NOS1: variants seen among roughly 807,000 people sequenced by gnomAD.
The protein encoded by NOS1 is NOS type I.
In NOS1, 51 loss-of-function variants were observed where a neutral mutation model predicts 164.5. That is an observed-to-expected ratio of 0.31 (90% confidence interval 0.25 to 0.39). The LOEUF (loss-of-function observed/expected upper bound fraction) is 0.39, where lower values mean the gene tolerates loss of function less well. Among genes scored for constraint, NOS1 ranks in the 10% least tolerant of loss-of-function variants. NOS1 has a pLI of 1.00. For synonymous variants in NOS1, 719 were observed against 745.8 expected (o/e 0.96, Z 0.59); for missense variants, 1,362 against 1,885.6 (o/e 0.72, Z 5.14).
Position 117,247,493 on chromosome 12 carries a change from G to A in NOS1, c.2678C>T (p.Ala893Val). 6.2e-7 allele frequency: 1 copy of A among 1,611,520 alleles called. No individual in the cohort carries two copies. The highest frequency in any genetic ancestry group is 1.6e-4 in the Middle Eastern group (1 of 6,062). Residue 893 changes from alanine (A) to valine (V), a missense_variant, in exon 18 of 29, where the codon GCA becomes GTA. Around this residue, in one of 4 missense-constraint regions of NOS1, gnomAD observed 737 missense variants for 1,030.3 expected, o/e 0.72. Transcript: ENST00000317775. Reference sequence around the variant, plus strand: ...TCCGAAGGCGCAAAAGTGAGGGTATGCTCGTGAGCCGAGGCCAAAAACTGA... The same window carrying A: ...TCCGAAGGCGCAAAAGTGAGGGTATACTCGTGAGCCGAGGCCAAAAACTGA... ...RFSVFGLGSR[A>V]YPHFCAFGHA...
chr12:117,336,988 G>C (rs1034913703), intron 1 of NOS1, among the ~76,000 whole-genome samples: 1 of 151,498 alleles, frequency 6.6e-6, no homozygotes, highest in Non-Finnish European at 1.5e-5. Context: ...TAGAGAAGAG[G>C]TTTTGCCATG....
intron 18 of NOS1, among the ~76,000 whole-genome samples, chr12:117,246,540 G>A (rs1445573031): frequency 6.6e-6 from 1 of 152,100 alleles, no homozygotes; most frequent in Non-Finnish European, 1.5e-5. Flanking sequence ...CGTCCACAAG[G>A]TTATGCAACC....
intron 4 of NOS1, among the ~76,000 whole-genome samples, chr12:117,289,133 A>G (rs1050613849): frequency 3.3e-5 from 5 of 152,252 alleles, no homozygotes; most frequent in Non-Finnish European, 5.9e-5. Context: ...AAAAATTTAA[A>G]GCAATATAAT....
At chr12:117,276,688 A>T (rs1873213878) in intron 9 of NOS1, among the ~76,000 whole-genome samples, 1 of 149,580 alleles carries the variant, frequency 6.7e-6, no homozygotes, top group East Asian at 2.0e-4. Context: ...CATGAGCTCT[A>T]TTGTTTTCAT....
intron 20 of NOS1, among the ~76,000 whole-genome samples, chr12:117,239,830 G>A (rs961614586): frequency 6.6e-5 from 10 of 152,080 alleles, no homozygotes; most frequent in African/African-American, 2.4e-4. Flanking sequence ...GATAAACACG[G>A]AGGTGTGACT....
intron 8 of NOS1, among the ~76,000 whole-genome samples, chr12:117,278,625 A>G (rs972779591): frequency 3.9e-5 from 6 of 152,174 alleles, no homozygotes; most frequent in African/African-American, 1.4e-4. Context: ...CAGCTGTCCA[A>G]TAAAAATATA....
chr12:117,334,500 A>C (rs1432366064), intron 1 of NOS1, among the ~76,000 whole-genome samples: 1 of 152,006 alleles, frequency 6.6e-6, no homozygotes, highest in African/African-American at 2.4e-5. Flanking sequence ...GGAATCAAAC[A>C]ATTCTCTAGC....
Position 117,227,539 on chromosome 12 carries a change from TCAGGAG to T in NOS1, c.3502_3507del (p.Leu1168_Leu1169del). On this transcript the variant is annotated inframe_deletion, in exon 23 of 29. Coordinates refer to ENST00000317775, the MANE Select transcript of NOS1 (RefSeq NM_000620.5). ...CGGGGCTGCAGCAGGGACAGCTGGGTCAGGAGCAGGGTGGCCGGCATCTGGATAGAT... is the reference window on the plus strand; with the variant it reads ...CGGGGCTGCAGCAGGGACAGCTGGGTCAGGGTGGCCGGCATCTGGATAGAT... 6.2e-7 allele frequency: 1 copy of T among 1,613,018 alleles called. No homozygotes were observed. The highest frequency in any genetic ancestry group is 8.5e-7 in the Non-Finnish European group (1 of 1,179,480).
rs1260668776 is a variant in NOS1 at position 117,361,584 on chromosome 12, C to T, written c.-493G>A. 1 of 152,114 alleles carries T rather than the reference C, an allele frequency of 6.6e-6. No homozygotes were observed. Among genetic ancestry groups the T allele is most frequent in the South Asian group, 2.1e-4 (1 of 4,826 alleles). 9.4% of individuals were successfully genotyped at this position (152,114 alleles called of 1,614,324 possible). ...CCGCGGCGCTAAGTAGCTCCTCACC[C>T]AGCGGCTGGAAACGCGGCATAAATA... is the stretch of plus-strand genomic sequence containing the variant. On this transcript the variant is annotated 5_prime_UTR_variant, in exon 1 of 29. Transcript: ENST00000317775.
Position 117,285,351 on chromosome 12 carries a change from G to A in NOS1, c.1291-19C>T, listed in dbSNP as rs369265794. ...CGAATACCTGGAAGAGGCACAGGGC[G>A]GAACTGATTGCCTCTTCTTTCCCTC... On this transcript the variant is annotated intron_variant, in intron 6 of 28. Coordinates refer to ENST00000317775, the MANE Select transcript of NOS1 (RefSeq NM_000620.5). 2.0e-5 allele frequency: 32 copies of A among 1,561,636 alleles called. No homozygotes were observed. Among genetic ancestry groups the A allele is most frequent in the Admixed American group, 1.5e-4 (9 of 59,110 alleles).
rs117787833 is a variant in NOS1, at chr12:117,353,842, G to A, written c.-421+7670C>T. The stretch of plus-strand genomic sequence containing the variant: ...CACATTTTGGGCTGGGCTCAGGCCT[G>A]TAATCCCAGCACTTTGGGACGCTGA... On this transcript the variant is annotated intron_variant, in intron 1 of 28. Transcript: ENST00000317775. 7.4e-3 allele frequency among the ~76,000 whole-genome samples: 1,126 copies of A among 152,262 alleles called. 6 individuals carry two copies. The highest frequency in any genetic ancestry group is 0.012 in the Non-Finnish European group (841 of 68,032).
intron 23 of NOS1, 62 bp from the exon 24 acceptor site, chr12:117,226,832 C>A: frequency 1.6e-6 from 2 of 1,288,552 alleles, no homozygotes; most frequent in Non-Finnish European, 2.2e-6. Flanking sequence ...CTCCCCTCCT[C>A]CCTCCAGTGC....
intron 26 of NOS1, among the ~76,000 whole-genome samples, chr12:117,220,963 C>T (rs368261363): frequency 2.7e-4 from 41 of 152,030 alleles, no homozygotes; most frequent in South Asian, 4.2e-4. Context: ...TACTCCCACC[C>T]TAGTAGTCAG....
chr12:117,338,195 C>CGA (rs931211355), intron 1 of NOS1, among the ~76,000 whole-genome samples: 3 of 151,368 alleles, frequency 2.0e-5, no homozygotes, highest in African/African-American at 7.3e-5. Flanking sequence ...CCAGCCTGGG[C>CGA]GACAGAGTGA....
chr12:117,285,696 T>C (rs1199684621), intron 6 of NOS1, among the ~76,000 whole-genome samples: 4 of 152,136 alleles, frequency 2.6e-5, no homozygotes, highest in African/African-American at 9.7e-5. Context: ...ACCCCCCTGA[T>C]CTTGATAACA....
At chr12:117,224,476 A>G (rs1020853803) in intron 25 of NOS1, among the ~76,000 whole-genome samples, 1 of 152,060 alleles carries the variant, frequency 6.6e-6, no homozygotes, top group African/African-American at 2.4e-5. Flanking sequence ...TAGTAAAGAC[A>G]GGGTTTCACC....
chr12:117,225,397 T>C (rs1289610689), intron 24 of NOS1, among the ~76,000 whole-genome samples: 1 of 151,994 alleles, frequency 6.6e-6, no homozygotes. Context: ...CAACCCAGGG[T>C]ATCTCTACGC....
chr12:117,335,729 T>TGAGAGA (rs60613906), intron 1 of NOS1, among the ~76,000 whole-genome samples: 5,120 of 112,466 alleles, frequency 0.046, 504 homozygotes, highest in East Asian at 0.099. Context: ...ACAGACTATA[T>TGAGAGA]GAGAGAGAGA....
intron 2 of NOS1, among the ~76,000 whole-genome samples, chr12:117,325,199 C>T (rs896140642): frequency 6.6e-6 from 1 of 152,088 alleles, no homozygotes; most frequent in Non-Finnish European, 1.5e-5. Flanking sequence ...ATGCCCACCC[C>T]GACATGCAGC....
Sources: allele counts gnomAD v4.1 joint callset (sites outside exome capture counted in the v4.1 genomes callset), GRCh38; gene constraint gnomAD v4.1.1; regional missense constraint gnomAD v4.1.1; transcripts MANE v1.5; gene names NCBI Gene and HGNC (gene_info 2026-07-23, HGNC 2026-07-21).